Variants in FER observed in about 807,000 individuals in gnomAD.
FER encodes FER tyrosine kinase.
A neutral mutation model predicts 111.0 loss-of-function variants in FER; 63 were observed. That is an observed-to-expected ratio of 0.57 (90% CI 0.46 to 0.70). The LOEUF (loss-of-function observed/expected upper bound fraction) is 0.70, where lower values mean the gene tolerates loss of function less well. Ranked by LOEUF, FER falls within the 30% of genes least tolerant of loss-of-function variation. FER has a pLI of 0.00. For missense variants in FER, 914 were observed against 954.0 expected, an observed-to-expected ratio of 0.96 and a Z score of 0.55; for synonymous variants, 327 against 313.9, an observed-to-expected ratio of 1.04 and a Z score of -0.44.
At chr5:109,062,112 T>A (rs567053069) in intron 16 of FER, among the ~76,000 whole-genome samples, 3 of 151,800 alleles carry the variant, frequency 2.0e-5, no homozygotes, top group Admixed American at 6.6e-5. Flanking sequence ...ATGGGTAATA[T>A]GAAAAAAAAA....
chr5:108,845,630 G>T (rs1761957822), intron 5 of FER, among the ~76,000 whole-genome samples: 2 of 150,362 alleles, frequency 1.3e-5, no homozygotes, highest in Non-Finnish European at 1.5e-5. Context: ...TTGCCTAATT[G>T]CCCTGGCTAG....
At chr5:108,769,399 C>A (rs1752656128) in intron 2 of FER, among the ~76,000 whole-genome samples, 1 of 152,018 alleles carries the variant, frequency 6.6e-6, no homozygotes, top group Non-Finnish European at 1.5e-5. Flanking sequence ...CCAAAAAATA[C>A]CAGTGTGGTT....
In FER at chr5:109,047,170, T is replaced by A; in HGVS notation, c.1896T>A (p.Pro632=). ...KLIGVCTQRQ[P]VYIIMELVSG... is the part of the protein sequence containing the mutation. ...TAGGAGTTTGCACACAAAGACAGCCTGTCTACATCATTATGGAACTGGTTT... is the reference window on the plus strand; with the variant it reads ...TAGGAGTTTGCACACAAAGACAGCCAGTCTACATCATTATGGAACTGGTTT... The change falls in exon 16 of 20, where the codon CCT becomes CCA. Residue 632 remains proline, a synonymous_variant. Coordinates refer to ENST00000281092, the MANE Select transcript of FER (RefSeq NM_005246.4). The A allele has an allele frequency of 6.2e-7, 1 of 1,606,352 alleles. No homozygotes were observed. The highest frequency in any genetic ancestry group is 2.3e-5 in the East Asian group (1 of 44,324).
intron 16 of FER, among the ~76,000 whole-genome samples, chr5:109,091,634 A>C (rs1286665631): frequency 6.6e-6 from 1 of 152,190 alleles, no homozygotes; most frequent in Non-Finnish European, 1.5e-5. Context: ...GCAGGCACCC[A>C]GCCTCAACCC....
chr5:108,757,002 A>G (rs533027019), intron 1 of FER, among the ~76,000 whole-genome samples: 3 of 152,274 alleles, frequency 2.0e-5, no homozygotes, highest in East Asian at 1.9e-4. Context: ...GATGGCTTGC[A>G]TGTTCTTTTT....
chr5:109,176,874 T>C (rs1757756417), intron 17 of FER, among the ~76,000 whole-genome samples: 1 of 152,210 alleles, frequency 6.6e-6, no homozygotes, highest in Non-Finnish European at 1.5e-5. Flanking sequence ...ATTATTAACA[T>C]TTTCTGAAGG....
chr5:108,790,493 C>T (rs947661124), intron 2 of FER, among the ~76,000 whole-genome samples: 7 of 152,116 alleles, frequency 4.6e-5, no homozygotes, highest in Admixed American at 1.3e-4. Flanking sequence ...CTAACTGGCT[C>T]TGAAAGATTT....
intron 17 of FER, among the ~76,000 whole-genome samples, chr5:109,165,794 G>A (rs1030436484): frequency 1.3e-5 from 2 of 152,178 alleles, no homozygotes; most frequent in African/African-American, 2.4e-5. Context: ...TGGCGTTTTA[G>A]TATTAAAGTA....
Position 108,845,041 on chromosome 5 carries a change from C to CAT in FER, c.481+9260_481+9261dup, listed in dbSNP as rs1232663960. ...ATATATATATATATATATATATATA[C>CAT]ATATATATATATATATATATATATA... On this transcript the variant is annotated intron_variant, in intron 5 of 19. Transcript: ENST00000281092. Among the ~76,000 whole-genome samples, 433 of 46,322 alleles carry CAT rather than the reference C, an allele frequency of 9.3e-3. 2 individuals carry two copies. Among genetic ancestry groups the CAT allele is most frequent in the East Asian group, 0.022 (22 of 982 alleles). 30.4% of individuals were successfully genotyped at this position (46,322 alleles called of 152,430 possible).
chr5:108,785,608 G>A (rs77894390), intron 2 of FER: 28 of 415,176 alleles, frequency 6.7e-5, no homozygotes, highest in Non-Finnish European at 1.1e-4. Context: ...AAAAAAAAAA[G>A]TGGGGAGTCT....
At chr5:108,890,548 T>C (rs770859325) in intron 9 of FER, among the ~76,000 whole-genome samples, 2 of 152,046 alleles carry the variant, frequency 1.3e-5, no homozygotes, top group African/African-American at 2.4e-5. Context: ...TGTCTCCATA[T>C]GACCCTCTGC....
At chr5:108,764,462 A>G (rs1023004506) in intron 1 of FER, among the ~76,000 whole-genome samples, 10 of 152,170 alleles carry the variant, frequency 6.6e-5, no homozygotes, top group African/African-American at 1.2e-4. Context: ...CAGTGACGCC[A>G]TCTTGGCTCA....
At chr5:109,117,172 G>T (rs544448133) in intron 17 of FER, among the ~76,000 whole-genome samples, 1 of 152,024 alleles carries the variant, frequency 6.6e-6, no homozygotes, top group African/African-American at 2.4e-5. Flanking sequence ...TTTCTTTCAG[G>T]AATACATTCT....
At chr5:109,135,710 T>G (rs1752821801) in intron 17 of FER, among the ~76,000 whole-genome samples, 1 of 152,180 alleles carries the variant, frequency 6.6e-6, no homozygotes, top group African/African-American at 2.4e-5. Flanking sequence ...GCCTGTCTTA[T>G]TCCCATTTCT....
Position 108,994,407 on chromosome 5 carries a change from A to G in FER, c.1656+35060A>G, listed in dbSNP as rs183813556. 5.3e-5 allele frequency among the ~76,000 whole-genome samples: 8 copies of G among 152,300 alleles called. No homozygotes were observed. In the East Asian group the frequency reaches 7.7e-4, roughly 15 times the overall value. ...CTTGTTTTTGCCAGGTTTGTCGAAG[A>G]TCAGATGGTTGTAGATGTGCAGTCA... On this transcript the variant is annotated intron_variant, in intron 13 of 19. Coordinates refer to ENST00000281092, the MANE Select transcript of FER (RefSeq NM_005246.4).
chr5:108,863,372 C>T (rs1324177770), intron 5 of FER, among the ~76,000 whole-genome samples: 3 of 152,136 alleles, frequency 2.0e-5, no homozygotes, highest in Non-Finnish European at 4.4e-5. Flanking sequence ...CCGCCCGCCT[C>T]GGCCTCTGAA....
At chr5:108,967,347 T>G (rs180990673) in intron 13 of FER, among the ~76,000 whole-genome samples, 1 of 152,246 alleles carries the variant, frequency 6.6e-6, no homozygotes, top group East Asian at 1.9e-4. Flanking sequence ...TCTCTCCCAG[T>G]GTGGCTAAGT....
intron 16 of FER, among the ~76,000 whole-genome samples, chr5:109,050,897 G>A (rs1348787583): frequency 1.3e-5 from 2 of 152,092 alleles, no homozygotes; most frequent in African/African-American, 4.8e-5. Flanking sequence ...AAGATGTTCA[G>A]GAAGTATTTA....
At chr5:108,872,797 A>G (rs1274716959) in intron 8 of FER, among the ~76,000 whole-genome samples, 2 of 152,242 alleles carry the variant, frequency 1.3e-5, no homozygotes, top group Admixed American at 6.5e-5. Context: ...TTTAGAAAAC[A>G]TAAGGTGCTC....
Sources: allele counts gnomAD v4.1 joint callset (sites outside exome capture counted in the v4.1 genomes callset), GRCh38; gene constraint gnomAD v4.1.1; transcripts MANE v1.5; gene names NCBI Gene and HGNC (gene_info 2026-07-23, HGNC 2026-07-21).